The following KLHL3 variants were observed in gnomAD, a reference collection of about 807,000 sequenced individuals.
The protein encoded by KLHL3 is kelch like family member 3.
KLHL3 carries 19 observed loss-of-function variants against 70.5 expected under a neutral mutation model. That is an observed-to-expected ratio of 0.27 (90% CI 0.19 to 0.40). KLHL3 has a LOEUF of 0.40. Ranked by LOEUF, KLHL3 falls within the 10% of genes least tolerant of loss-of-function variation. KLHL3 has a pLI of 1.00. For synonymous variants in KLHL3, 258 were observed against 290.3 expected, an observed-to-expected ratio of 0.89 and a Z score of 1.13; for missense variants, 512 against 771.1, an observed-to-expected ratio of 0.66 and a Z score of 3.98.
At chr5:137,705,173 C>T (rs1752661145) in intron 3 of KLHL3, among the ~76,000 whole-genome samples, 1 of 152,236 alleles carries the variant, frequency 6.6e-6, no homozygotes, top group African/African-American at 2.4e-5. Flanking sequence ...TGTCCATTGC[C>T]TTGTATTCAG....
chr5:137,657,726 G>T (rs1751377084), intron 8 of KLHL3, among the ~76,000 whole-genome samples: 2 of 152,308 alleles, frequency 1.3e-5, no homozygotes, highest in South Asian at 4.1e-4. Context: ...GTGGGGAAAA[G>T]AAACAGACTA....
At chr5:137,704,341 C>A (rs1852012) in intron 3 of KLHL3, among the ~76,000 whole-genome samples, 1 of 151,790 alleles carries the variant, frequency 6.6e-6, no homozygotes, top group Non-Finnish European at 1.5e-5. Context: ...GCCGAGATTG[C>A]GCCACTGCAG....
At chr5:137,702,947 C>A (rs1481710538) in intron 3 of KLHL3, among the ~76,000 whole-genome samples, 3 of 151,936 alleles carry the variant, frequency 2.0e-5, no homozygotes, top group Admixed American at 6.6e-5. Flanking sequence ...TGGAAGACTG[C>A]CAAAGAAGAG....
chr5:137,702,025 AC>A (rs1422470082), intron 3 of KLHL3, among the ~76,000 whole-genome samples: 1 of 152,164 alleles, frequency 6.6e-6, no homozygotes, highest in Non-Finnish European at 1.5e-5. Context: ...AATTCACCAA[AC>A]ACATATCAGA....
chr5:137,671,511 C>A (rs2905585), intron 6 of KLHL3, among the ~76,000 whole-genome samples: 29,800 of 152,052 alleles, frequency 0.2, 3,175 homozygotes, highest in African/African-American at 0.27. Context: ...GGGGTGCATT[C>A]ATAAAGAGTG....
In KLHL3 at chr5:137,628,093, A is replaced by G. The variant is rs1229017150; in HGVS notation, c.1591+204T>C. ...CGGGGAAAGGGGATCCTCTGCATCT[A>G]GGTTGCAGGATCTGCAGCTAGCTTT... On this transcript the variant is annotated intron_variant, in intron 13 of 14. Transcript: ENST00000309755. 6 of 593,360 alleles carry G rather than the reference A, an allele frequency of 1.0e-5. 1 individual carries two copies. Among genetic ancestry groups the G allele is most frequent in the Non-Finnish European group, 1.8e-5 (6 of 336,600 alleles). 36.8% of individuals were successfully genotyped at this position (593,360 alleles called of 1,614,324 possible). A position where few individuals can be genotyped will look rare whatever the true frequency, so the allele number is the denominator to read the frequency against.
intron 5 of KLHL3, among the ~76,000 whole-genome samples, chr5:137,678,427 C>A (rs1751940318): frequency 6.6e-6 from 1 of 152,224 alleles, no homozygotes; most frequent in Admixed American, 6.5e-5. Context: ...ATTATATTCA[C>A]TGAAATGTCA....
At chr5:137,692,852 A>ACACC (rs1194467880) in intron 4 of KLHL3, among the ~76,000 whole-genome samples, 2 of 151,632 alleles carry the variant, frequency 1.3e-5, no homozygotes, top group Non-Finnish European at 2.9e-5. Flanking sequence ...ACACACACAC[A>ACACC]CAATGGTTCT....
intron 5 of KLHL3, among the ~76,000 whole-genome samples, chr5:137,681,613 G>C (rs376838033): frequency 6.6e-6 from 1 of 152,140 alleles, no homozygotes; most frequent in African/African-American, 2.4e-5. Flanking sequence ...CTAGATCCTG[G>C]GGGAGGGATG....
At chr5:137,735,011 A>C (rs1259052042) in intron 1 of KLHL3, among the ~76,000 whole-genome samples, 1 of 152,194 alleles carries the variant, frequency 6.6e-6, no homozygotes, top group East Asian at 1.9e-4. Flanking sequence ...GGAAGCACAG[A>C]CCTTCCAGTA....
chr5:137,704,464 A>T (rs572285320), intron 3 of KLHL3, among the ~76,000 whole-genome samples: 1 of 152,138 alleles, frequency 6.6e-6, no homozygotes, highest in South Asian at 2.1e-4. Flanking sequence ...ACCATCTCCC[A>T]GTGCAAGGCG....
At chr5:137,637,425 G>A (rs764959283) in intron 10 of KLHL3, 30 bp from the exon 11 acceptor site, 70 of 1,594,060 alleles carry the variant, frequency 4.4e-5, no homozygotes, top group East Asian at 8.9e-5. Context: ...TGAGACTTCC[G>A]TGGCACCAGG....
chr5:137,619,354 T>C lies in KLHL3; in HGVS notation c.*2744A>G, dbSNP rs891014041. Reference sequence around the variant, plus strand: ...CCATTGGGTACTTATGAGAAATAACTTTGGAATTCAGAATCTGACTTCTAC... The same window carrying C: ...CCATTGGGTACTTATGAGAAATAACCTTGGAATTCAGAATCTGACTTCTAC... On this transcript the variant is annotated 3_prime_UTR_variant, in exon 15 of 15. Coordinates refer to ENST00000309755, the MANE Select transcript of KLHL3 (RefSeq NM_017415.3). The C allele has an allele frequency of 4.6e-5, 7 of 152,650 alleles. No homozygotes were observed. The highest frequency in any genetic ancestry group is 1.4e-4 in the African/African-American group (6 of 41,452). The allele number at this position is 152,650 out of a possible 1,614,324, so 9.5% of individuals were successfully genotyped here. A position where few individuals can be genotyped will look rare whatever the true frequency, so the allele number is the denominator to read the frequency against.
intron 12 of KLHL3, among the ~76,000 whole-genome samples, chr5:137,633,136 C>G (rs746175399): frequency 1.3e-5 from 2 of 151,580 alleles, no homozygotes; most frequent in African/African-American, 4.9e-5. Context: ...AAAAATTTGC[C>G]GGGCATGGTG....
At chr5:137,733,321 G>T (rs1387735692) in intron 1 of KLHL3, among the ~76,000 whole-genome samples, 1 of 152,174 alleles carries the variant, frequency 6.6e-6, no homozygotes, top group Non-Finnish European at 1.5e-5. Flanking sequence ...TTGGCCAAAG[G>T]CTTCAGTCTC....
chr5:137,720,225 G>A lies in KLHL3; in HGVS notation c.134+240C>T, dbSNP rs528581903. ...TGAGGCAGGGGAATCACTTGAACCC[G>A]GGAGGTGGAGGTTGCAGTGAGCCAA... On this transcript the variant is annotated intron_variant, in intron 2 of 14. Transcript: ENST00000309755. Among the ~76,000 whole-genome samples, 181 of 152,150 alleles carry A rather than the reference G, an allele frequency of 1.2e-3. 1 individual carries two copies. Among genetic ancestry groups the A allele is most frequent in the African/African-American group, 4.2e-3 (175 of 41,520 alleles).
At chr5:137,665,352 A>G (rs1751588807) in intron 6 of KLHL3, among the ~76,000 whole-genome samples, 1 of 152,252 alleles carries the variant, frequency 6.6e-6, no homozygotes, top group Non-Finnish European at 1.5e-5. Context: ...GATCAATATT[A>G]AATTTCATTG....
In KLHL3 at chr5:137,639,403, CTG is replaced by C. The variant is rs1045138564; in HGVS notation, c.1022-255_1022-254del. Among the ~76,000 whole-genome samples, 1 of 152,134 alleles carries C rather than the reference CTG, an allele frequency of 6.6e-6. No homozygotes were observed. Among genetic ancestry groups the C allele is most frequent in the African/African-American group, 2.4e-5 (1 of 41,436 alleles). ...GAACTGACCCCAAAAGAGCCAAAAA[CTG>C]TGCAAGTGGCCGGGCATGGTAGCTC... On this transcript the variant is annotated intron_variant, in intron 9 of 14. Transcript: ENST00000309755. The surrounding 1 kb of genome is among the most constrained non-coding windows in gnomAD (Gnocchi z 5.0).
intron 4 of KLHL3, 93 bp downstream of exon 4, chr5:137,698,194 A>T: frequency 6.6e-7 from 1 of 1,504,736 alleles, no homozygotes; most frequent in Non-Finnish European, 9.1e-7. Context: ...TCAGTAACCA[A>T]CTGAATTGTT....
Sources: gnomAD v4.1 joint callset for allele counts (sites outside exome capture counted in the v4.1 genomes callset) on GRCh38, gnomAD v4.1.1 for gene constraint, Gnocchi (gnomAD v3.1) non-coding constraint, MANE v1.5 for transcripts, NCBI Gene and HGNC (gene_info 2026-07-23, HGNC 2026-07-21) for gene names.